ARID1B: variants seen among roughly 807,000 people sequenced by gnomAD.
ARID1B encodes the protein AT-rich interactive domain-containing protein 1B.
In ARID1B, 30 loss-of-function variants were observed where a neutral mutation model predicts 212.3. The ratio of observed to expected loss-of-function variants is 0.14; its 90% CI spans 0.11 to 0.19. ARID1B has a LOEUF of 0.19. Among genes scored for constraint, ARID1B ranks in the 10% least tolerant of loss-of-function variants. The pLI, the probability that ARID1B is intolerant of heterozygous loss-of-function variation, is 1.00. For missense variants in ARID1B, 2,891 were observed against 3,204.0 expected (o/e 0.90, Z 2.36); for synonymous variants, 1,402 against 1,301.7 (o/e 1.08, Z -1.66).
chr6:157,189,392 T>G (rs1394510456), intron 13 of ARID1B, among the ~76,000 whole-genome samples: 1 of 152,232 alleles, frequency 6.6e-6, no homozygotes, highest in East Asian at 1.9e-4. Context: ...ATAAATGTGT[T>G]TTATGGCTCA....
chr6:157,038,138 G>A (rs922393451), intron 4 of ARID1B, among the ~76,000 whole-genome samples: 11 of 152,024 alleles, frequency 7.2e-5, no homozygotes, highest in African/African-American at 2.7e-4. Context: ...GAGTAAATTA[G>A]GAGACACTTA....
At chr6:156,813,990 C>T (rs1191747059) in intron 1 of ARID1B, among the ~76,000 whole-genome samples, 1 of 152,186 alleles carries the variant, frequency 6.6e-6, no homozygotes, top group Non-Finnish European at 1.5e-5. Flanking sequence ...GTAGCCTGCA[C>T]CACGAGAGTG....
At chr6:156,907,749 A>G (rs1382575398) in intron 3 of ARID1B, among the ~76,000 whole-genome samples, 1 of 151,608 alleles carries the variant, frequency 6.6e-6, no homozygotes, top group East Asian at 1.9e-4. Context: ...ATGCAAAAAA[A>G]AAAAAAAAAT....
chr6:157,059,959 A>C (rs1347745892), intron 4 of ARID1B, among the ~76,000 whole-genome samples: 1 of 152,198 alleles, frequency 6.6e-6, no homozygotes, highest in East Asian at 1.9e-4. Context: ...GTCCTTTCCA[A>C]GTGAATTAGT....
chr6:157,038,739 C>G (rs76770472), intron 4 of ARID1B, among the ~76,000 whole-genome samples: 364 of 152,122 alleles, frequency 2.4e-3, no homozygotes, highest in African/African-American at 8.3e-3. Flanking sequence ...TTTAATAGAC[C>G]TGTAGGGTCA....
chr6:156,782,110 T>G (rs1779325155), intron 1 of ARID1B, among the ~76,000 whole-genome samples: 1 of 151,434 alleles, frequency 6.6e-6, no homozygotes, highest in South Asian at 2.1e-4. Context: ...TCCTTTTTTT[T>G]CTTTTCTTTT....
At chr6:157,157,715 A>G (rs973731185) in intron 8 of ARID1B, among the ~76,000 whole-genome samples, 1 of 152,220 alleles carries the variant, frequency 6.6e-6, no homozygotes, top group Non-Finnish European at 1.5e-5. Context: ...CATTTCTGCC[A>G]TTATATAGAT....
intron 13 of ARID1B, among the ~76,000 whole-genome samples, chr6:157,189,275 C>G (rs1793191192): frequency 6.6e-6 from 1 of 152,196 alleles, no homozygotes; most frequent in African/African-American, 2.4e-5. Flanking sequence ...TAGATTATTT[C>G]CAGTCTAGAC....
chr6:156,931,937 G>T (rs1452688342), intron 3 of ARID1B, among the ~76,000 whole-genome samples: 1 of 149,002 alleles, frequency 6.7e-6, no homozygotes, highest in Non-Finnish European at 1.5e-5. Context: ...CTCCAGCCTG[G>T]GCAACGAGAG....
In ARID1B at chr6:156,926,751, C is replaced by T. The variant is rs148416933; in HGVS notation, c.2137-8715C>T. On this transcript the variant is annotated intron_variant, in intron 3 of 19. Coordinates refer to ENST00000636930, the MANE Select transcript of ARID1B (RefSeq NM_001374828.1). ...AGGCTCGGGTGCAGTGGTGAGGTCT[C>T]GGCTCACTGCAACTTCGCCTCCCAG... is the stretch of plus-strand genomic sequence containing the variant. Among the ~76,000 whole-genome samples the T allele has an allele frequency of 2.6e-3, 397 of 152,162 alleles. 1 individual carries two copies. The highest frequency in any genetic ancestry group is 8.9e-3 in the African/African-American group (369 of 41,506).
intron 1 of ARID1B, among the ~76,000 whole-genome samples, chr6:156,782,002 T>TTTTTTTTTTTTTTG (rs1779310005): frequency 7.0e-6 from 1 of 141,902 alleles, no homozygotes; most frequent in Non-Finnish European, 1.5e-5. Flanking sequence ...TTTTTTTTTT[T>TTTTTTTTTTTTTTG]TTGTTGAGGT....
chr6:157,097,473 C>T lies in ARID1B; in HGVS notation c.2491+12568C>T, dbSNP rs142267229. Among the ~76,000 whole-genome samples, 663 of 152,070 alleles carry T rather than the reference C, an allele frequency of 4.4e-3. 11 individuals carry two copies. The highest frequency in any genetic ancestry group is 0.015 in the African/African-American group (633 of 41,550). On this transcript the variant is annotated intron_variant, in intron 5 of 19. Transcript: ENST00000636930. ...AACACGGTCCCTCGTACCTACAGGG[C>T]ACAGCAAGCGCTCACGTGCTATATT...
chr6:156,876,486 G>A (rs1786562327), intron 2 of ARID1B, among the ~76,000 whole-genome samples: 1 of 152,188 alleles, frequency 6.6e-6, no homozygotes, highest in Non-Finnish European at 1.5e-5. Context: ...TCCACCTGGG[G>A]GCGCCTCCAG....
At chr6:156,946,111 C>G (rs1793111943) in intron 4 of ARID1B, among the ~76,000 whole-genome samples, 1 of 150,756 alleles carries the variant, frequency 6.6e-6, no homozygotes, top group African/African-American at 2.4e-5. Flanking sequence ...AATCCCAGCA[C>G]TTCAGGAGGC....
chr6:156,917,958 A>G (rs1274523369), intron 3 of ARID1B, among the ~76,000 whole-genome samples: 4 of 152,168 alleles, frequency 2.6e-5, no homozygotes, highest in Non-Finnish European at 4.4e-5. Context: ...CGTGAACTGG[A>G]AGTACTTGGC....
At position 156,921,742 on chromosome 6, in the gene ARID1B, A is replaced by G. The variant is rs568526677; in HGVS notation, c.2137-13724A>G. ...AAAGTAATACATATTTGTAAAAAAA[A>G]TTCAGCAGAATCCTTGTGCTTCTTG... On this transcript the variant is annotated intron_variant, in intron 3 of 19. Coordinates refer to ENST00000636930, the MANE Select transcript of ARID1B (RefSeq NM_001374828.1). 3.4e-3 allele frequency among the ~76,000 whole-genome samples: 516 copies of G among 152,356 alleles called. 1 individual carries two copies. Among genetic ancestry groups the G allele is most frequent in the Admixed American group, 5.4e-3 (82 of 15,300 alleles).
chr6:157,032,471 T>G (rs546861075), intron 4 of ARID1B, among the ~76,000 whole-genome samples: 1 of 152,286 alleles, frequency 6.6e-6, no homozygotes, highest in South Asian at 2.1e-4. Flanking sequence ...GCTGGATAAA[T>G]GGGCATGAGT....
intron 4 of ARID1B, among the ~76,000 whole-genome samples, chr6:157,076,735 C>T (rs1784336340): frequency 6.6e-6 from 1 of 151,988 alleles, no homozygotes; most frequent in South Asian, 2.1e-4. Context: ...AAGTCTGAAT[C>T]TTATATATTT....
intron 6 of ARID1B, 137 bp from the exon 7 acceptor site, chr6:157,132,891 T>C (rs1310345148): frequency 1.1e-6 from 1 of 952,356 alleles, no homozygotes; most frequent in Non-Finnish European, 1.5e-6. Context: ...CTGAGATGTC[T>C]TTAGCTATTT....
Sources: gnomAD v4.1 joint callset for allele counts (sites outside exome capture counted in the v4.1 genomes callset) on GRCh38, gnomAD v4.1.1 for gene constraint, MANE v1.5 for transcripts, NCBI Gene and HGNC (gene_info 2026-07-23, HGNC 2026-07-21) for gene names.